The following DYSF variants were observed in gnomAD, a reference collection of about 807,000 sequenced individuals.
The protein encoded by DYSF is dysferlin, also known as dystrophy-associated fer-1-like 1.
A neutral mutation model predicts 274.9 loss-of-function variants in DYSF; 212 were observed. The observed-to-expected ratio is 0.77, with a 90% CI of 0.69 to 0.86. The LOEUF is 0.86. Among genes scored for constraint, DYSF ranks in the 40% least tolerant of loss-of-function variants. The probability of loss-of-function intolerance (pLI) is 0.00; values close to 1 mark genes in which losing one functional copy is unlikely to be tolerated. For synonymous variants in DYSF, 1,091 were observed against 1,078.7 expected (o/e 1.01, Z -0.22); for missense variants, 2,666 against 2,783.2 (o/e 0.96, Z 0.95).
chr2:71,593,284 C>A (rs549436643), intron 32 of DYSF, among the ~76,000 whole-genome samples: 40 of 152,166 alleles, frequency 2.6e-4, no homozygotes, highest in African/African-American at 9.1e-4. Flanking sequence ...AGGCACCCAC[C>A]ACCATGCCCA....
rs747372146 is a variant in DYSF at position 71,564,176 on chromosome 2, G to A, written c.2528G>A (p.Gly843Asp). 4 of 1,614,272 alleles carry A rather than the reference G, an allele frequency of 2.5e-6. No homozygotes were observed. The highest frequency in any genetic ancestry group is 3.4e-6 in the Non-Finnish European group (4 of 1,180,048). ...LFSRRGANYC[G>D]KNCGKLQTIF... Reference sequence around the variant, plus strand: ...TCCCGGCGGGGTGCCAACTACTGTGGCAAGAATTGTGGGAAGCTACAGACA... The same window carrying A: ...TCCCGGCGGGGTGCCAACTACTGTGACAAGAATTGTGGGAAGCTACAGACA... Residue 843 changes from glycine to aspartate, a missense_variant, in exon 24 of 56, where the codon GGC becomes GAC. Gly to Asp is a moderately conservative substitution (Grantham distance 94). Transcript: ENST00000410020.
At chr2:71,454,053 A>T (rs1259434756) in exon 1 of DYSF, 2 of 1,614,140 alleles carry the variant, frequency 1.2e-6, no homozygotes, top group African/African-American at 1.3e-5. Flanking sequence ...CGACACCGAC[A>T]TCAGCGATGC....
At chr2:71,465,364 T>C (rs915085618), upstream of DYSF, among the ~76,000 whole-genome samples, 1 of 152,124 alleles carries the variant, frequency 6.6e-6, no homozygotes, top group African/African-American at 2.4e-5. Context: ...ACTGGGGACC[T>C]GAAGAAGTTC....
intron 30 of DYSF, among the ~76,000 whole-genome samples, chr2:71,583,043 CAAAAAAAAAAAAAAA>C (rs143738269): frequency 4.0e-5 from 2 of 49,934 alleles, no homozygotes; most frequent in Non-Finnish European, 7.1e-5. Flanking sequence ...GACTCCATCT[CAAAAAAAAAAAAAAA>C]AAAAAAAAAA....
At chr2:71,575,060 AG>A (rs1225556703) in intron 30 of DYSF, among the ~76,000 whole-genome samples, 1 of 151,966 alleles carries the variant, frequency 6.6e-6, no homozygotes, top group Non-Finnish European at 1.5e-5. Context: ...GCACCTCCCT[AG>A]GGGTTTGGGC....
intron 42 of DYSF, among the ~76,000 whole-genome samples, chr2:71,650,917 T>C (rs1277099144): frequency 6.6e-6 from 1 of 152,056 alleles, no homozygotes; most frequent in Non-Finnish European, 1.5e-5. Context: ...TTATGTTAAT[T>C]ACAAAAAAGA....
intron 14 of DYSF, among the ~76,000 whole-genome samples, chr2:71,531,619 T>C (rs1464167545): frequency 6.6e-6 from 1 of 151,772 alleles, no homozygotes; most frequent in Non-Finnish European, 1.5e-5. Context: ...AAAATGTGTG[T>C]CCTTTGATAT....
At chr2:71,493,851 CAAAAAAAA>C (rs145288384) in intron 3 of DYSF, among the ~76,000 whole-genome samples, 4 of 69,334 alleles carry the variant, frequency 5.8e-5, no homozygotes, top group East Asian at 9.2e-4. Context: ...TACTCTGTCT[CAAAAAAAA>C]AAAAAAAAAA....
chr2:71,561,638 C>A, intron 22 of DYSF, 114 bp from the exon 23 acceptor site: 1 of 1,292,408 alleles, frequency 7.7e-7, no homozygotes, highest in Non-Finnish European at 1.1e-6. Context: ...AGAAGGCACC[C>A]AGCAGGCAGG....
chr2:71,458,732 A>C (rs1344753193), intron 1 of DYSF, among the ~76,000 whole-genome samples: 1 of 152,202 alleles, frequency 6.6e-6, no homozygotes, highest in East Asian at 1.9e-4. Flanking sequence ...GAGAGCGTTC[A>C]CATCTACTGT....
At chr2:71,611,732 G>A in intron 38 of DYSF, 106 bp downstream of exon 38, 1 of 1,388,720 alleles carries the variant, frequency 7.2e-7, no homozygotes, top group Non-Finnish European at 9.9e-7. Context: ...CGGGATCCAG[G>A]GTAGGACCCC....
chr2:71,546,027 G>T (rs1279025357), intron 17 of DYSF, among the ~76,000 whole-genome samples: 2 of 152,088 alleles, frequency 1.3e-5, no homozygotes, highest in Non-Finnish European at 2.9e-5. Context: ...GATTTAAGTG[G>T]CAGTAAAAGA....
chr2:71,537,218 G>GTTTTTTTTTTTTTT, intron 16 of DYSF, among the ~76,000 whole-genome samples: 1 of 47,704 alleles, frequency 2.1e-5, no homozygotes, highest in Non-Finnish European at 4.9e-5. Flanking sequence ...TTACTTTCTA[G>GTTTTTTTTTTTTTT]TTTTGTTTTT....
chr2:71,679,595 T>G (rs4436990), intron 53 of DYSF, among the ~76,000 whole-genome samples: 88,001 of 151,894 alleles, frequency 0.58, 25,815 homozygotes, highest in Middle Eastern at 0.65. Flanking sequence ...AGCAGGACCC[T>G]CCAAGGGACC....
intron 42 of DYSF, among the ~76,000 whole-genome samples, chr2:71,653,758 TATGTAACAG>T (rs1411641307): frequency 2.6e-5 from 4 of 151,872 alleles, no homozygotes; most frequent in Non-Finnish European, 4.4e-5. Context: ...CATGTATACA[TATGTAACAG>T]ACCTGCACAT....
chr2:71,536,872 CTGAA>C (rs1032000381), intron 16 of DYSF, among the ~76,000 whole-genome samples: 1 of 152,212 alleles, frequency 6.6e-6, no homozygotes, highest in African/African-American at 2.4e-5. Flanking sequence ...TTGTTATTAC[CTGAA>C]TCCTGGAAAT....
intron 1 of DYSF, among the ~76,000 whole-genome samples, chr2:71,472,285 G>T (rs554069959): frequency 2.0e-5 from 3 of 152,308 alleles, no homozygotes; most frequent in African/African-American, 7.2e-5. Flanking sequence ...ATGCGTTGCT[G>T]CATTTCCCAA....
At position 71,528,259 on chromosome 2, in the gene DYSF, A is replaced by T. The variant is rs1446247862; in HGVS notation, c.1277-39A>T. ...GGACAGTCAGGGTTTTAGAGGAGAG[A>T]CAGCAGGCAGGCAGTGACTGGTGTG... On this transcript the variant is annotated intron_variant, in intron 13 of 55. Transcript: ENST00000410020. 9.5e-6 allele frequency: 15 copies of T among 1,571,512 alleles called. 1 individual carries two copies. The South Asian group carries it at 1.7e-4, about 18-fold the overall frequency.
chr2:71,645,207 G>A (rs1167714059), intron 42 of DYSF, among the ~76,000 whole-genome samples: 3 of 152,208 alleles, frequency 2.0e-5, no homozygotes, highest in East Asian at 3.8e-4. Flanking sequence ...TTGCCTTGGT[G>A]TACTGAAAGA....
Sources: gnomAD v4.1 joint callset for allele counts (sites outside exome capture counted in the v4.1 genomes callset) on GRCh38, gnomAD v4.1.1 for gene constraint, MANE v1.5 for transcripts, NCBI Gene and HGNC (gene_info 2026-07-23, HGNC 2026-07-21) for gene names.